Variants in SUPT3H observed in about 807,000 individuals in gnomAD.
SUPT3H encodes the protein transcription initiation protein SPT3 homolog.
In SUPT3H, 44 loss-of-function variants were observed where a neutral mutation model predicts 44.3. The observed-to-expected ratio is 0.99, with a 90% CI of 0.78 to 1.28. The LOEUF (loss-of-function observed/expected upper bound fraction) is 1.28, where lower values mean the gene tolerates loss of function less well. SUPT3H is among the 50% of genes most tolerant of loss of function. The probability of loss-of-function intolerance (pLI) is 0.00; values close to 1 mark genes in which losing one functional copy is unlikely to be tolerated. For missense variants in SUPT3H, 380 were observed against 387.1 expected (o/e 0.98, Z 0.15); for synonymous variants, 124 against 125.6 (o/e 0.99, Z 0.09).
chr6:45,339,761 A>T (rs936179148), intron 2 of SUPT3H, among the ~76,000 whole-genome samples: 1 of 152,184 alleles, frequency 6.6e-6, no homozygotes, highest in African/African-American at 2.4e-5. Flanking sequence ...AAAATTTATT[A>T]AAGTTTTAAT....
chr6:44,975,153 A>G (rs1217828484), intron 6 of SUPT3H, among the ~76,000 whole-genome samples: 1 of 137,314 alleles, frequency 7.3e-6, no homozygotes, highest in African/African-American at 2.8e-5. Flanking sequence ...CCTGGGTGAC[A>G]CAGCAAGACT....
At chr6:45,145,247 A>T (rs921810864) in intron 2 of SUPT3H, among the ~76,000 whole-genome samples, 1 of 152,172 alleles carries the variant, frequency 6.6e-6, no homozygotes, top group Non-Finnish European at 1.5e-5. Flanking sequence ...TAGAGGCATC[A>T]TATTACCTGA....
chr6:44,833,740 ATAC>A (rs1769294938), intron 10 of SUPT3H, among the ~76,000 whole-genome samples: 1 of 152,192 alleles, frequency 6.6e-6, no homozygotes, highest in African/African-American at 2.4e-5. Flanking sequence ...TCTTTTCATT[ATAC>A]TACATTGTCT....
Position 44,839,813 on chromosome 6 carries a change from T to C in SUPT3H, c.913-9956A>G, listed in dbSNP as rs1000608537. On this transcript the variant is annotated intron_variant, in intron 10 of 10. Transcript: ENST00000371459. ...ACCTCCCGGGTTCATGCCATTCTCC[T>C]GCCTCAGCCTCCCGAGTAGCTGGGA... Among the ~76,000 whole-genome samples, 7 of 151,170 alleles carry C rather than the reference T, an allele frequency of 4.6e-5. No individual in the cohort carries two copies. The East Asian group carries it at 1.4e-3, about 30-fold the overall frequency.
intron 9 of SUPT3H, among the ~76,000 whole-genome samples, chr6:44,944,501 C>T (rs960605929): frequency 6.6e-6 from 1 of 151,592 alleles, no homozygotes; most frequent in African/African-American, 2.4e-5. Flanking sequence ...GCAGCTCATG[C>T]CTATAAAAGC....
At chr6:45,017,816 C>T (rs1784524606) in intron 4 of SUPT3H, among the ~76,000 whole-genome samples, 1 of 141,916 alleles carries the variant, frequency 7.0e-6, no homozygotes, top group Non-Finnish European at 1.5e-5. Flanking sequence ...TTAGGATTGA[C>T]TTGGCGATGT....
chr6:45,112,538 G>C (rs1294416119), intron 2 of SUPT3H, among the ~76,000 whole-genome samples: 1 of 152,100 alleles, frequency 6.6e-6, no homozygotes, highest in East Asian at 1.9e-4. Context: ...CCCTGATTAA[G>C]AATAGAGGGG....
At chr6:45,051,488 A>T (rs1790292676) in intron 3 of SUPT3H, among the ~76,000 whole-genome samples, 1 of 151,306 alleles carries the variant, frequency 6.6e-6, no homozygotes, top group Non-Finnish European at 1.5e-5. Context: ...TATGTATAAT[A>T]CATATTTATT....
intron 6 of SUPT3H, among the ~76,000 whole-genome samples, chr6:44,986,808 C>T (rs1779856048): frequency 6.6e-6 from 1 of 151,920 alleles, no homozygotes; most frequent in African/African-American, 2.4e-5. Context: ...GCTCTTGTCT[C>T]CTGGAGCTTT....
At chr6:45,035,205 A>C (rs1027349077) in intron 3 of SUPT3H, among the ~76,000 whole-genome samples, 2 of 152,144 alleles carry the variant, frequency 1.3e-5, no homozygotes, top group Admixed American at 1.3e-4. Flanking sequence ...GACTTTCATT[A>C]AATTCAAAGT....
chr6:44,930,614 C>T lies in SUPT3H; in HGVS notation c.912+2039G>A, dbSNP rs189135184. The stretch of plus-strand genomic sequence containing the variant: ...TGCAGGCATATTCACTCTTGTAGTG[C>T]GCAAATTCTCATAGCTGAAGAAAAT... On this transcript the variant is annotated intron_variant, in intron 10 of 10. Transcript: ENST00000371459. 1.9e-4 allele frequency among the ~76,000 whole-genome samples: 28 copies of T among 149,530 alleles called. No homozygotes were observed. The East Asian group carries it at 2.4e-3, about 13-fold the overall frequency.
At chr6:45,152,297 T>C (rs1205335773) in intron 2 of SUPT3H, among the ~76,000 whole-genome samples, 1 of 152,198 alleles carries the variant, frequency 6.6e-6, no homozygotes, top group Non-Finnish European at 1.5e-5. Context: ...ATCAGATCTA[T>C]TAGCAAATCT....
At chr6:45,059,035 G>A (rs1445013857) in intron 3 of SUPT3H, among the ~76,000 whole-genome samples, 1 of 152,014 alleles carries the variant, frequency 6.6e-6, no homozygotes, top group East Asian at 1.9e-4. Context: ...AGCATCAGGA[G>A]GATAAGATCT....
At chr6:44,892,339 C>T (rs773986362) in intron 10 of SUPT3H, among the ~76,000 whole-genome samples, 3 of 151,976 alleles carry the variant, frequency 2.0e-5, no homozygotes, top group Non-Finnish European at 4.4e-5. Context: ...AGACAAGTAC[C>T]AAGGAAAGGC....
intron 2 of SUPT3H, among the ~76,000 whole-genome samples, chr6:45,199,188 T>C (rs879297079): frequency 1.3e-5 from 2 of 151,300 alleles, no homozygotes; most frequent in Non-Finnish European, 3.0e-5. Flanking sequence ...ATACTGTTGT[T>C]GCATTGGATT....
chr6:45,298,247 G>C (rs2149906918), intron 2 of SUPT3H, among the ~76,000 whole-genome samples: 1 of 152,302 alleles, frequency 6.6e-6, no homozygotes, highest in South Asian at 2.1e-4. Context: ...AGACTGGAAG[G>C]ATGACAGTGC....
intron 6 of SUPT3H, among the ~76,000 whole-genome samples, chr6:44,968,743 CT>C (rs1038595588): frequency 1.3e-5 from 2 of 152,090 alleles, no homozygotes; most frequent in African/African-American, 4.8e-5. Flanking sequence ...GTAAGATTCA[CT>C]GTAGTAGGCT....
rs71687494 is a variant in SUPT3H at position 45,120,417 on chromosome 6, TAAAAA to T, written c.102-14416_102-14412del. 6.6e-3 allele frequency among the ~76,000 whole-genome samples: 333 copies of T among 50,510 alleles called. 6 individuals carry two copies. Among genetic ancestry groups the T allele is most frequent in the Middle Eastern group, 0.022 (1 of 46 alleles). The allele number at this position is 50,510 out of a possible 152,430, so 33.1% of individuals were successfully genotyped here. Reference sequence around the variant, plus strand: ...CTGGGTAACAGTGTGAGACCTTGTCTAAAAAAAAAAAAAAAAAAAAAAAAGACTAT... The same window carrying T: ...CTGGGTAACAGTGTGAGACCTTGTCTAAAAAAAAAAAAAAAAAAAGACTAT... On this transcript the variant is annotated intron_variant, in intron 2 of 10. Coordinates refer to ENST00000371459, the MANE Select transcript of SUPT3H (RefSeq NM_003599.4).
At chr6:45,043,722 T>C (rs2153531567) in intron 3 of SUPT3H, among the ~76,000 whole-genome samples, 1 of 152,246 alleles carries the variant, frequency 6.6e-6, no homozygotes, top group Admixed American at 6.5e-5. Context: ...AGGAAAGAAA[T>C]TCACAAATAA....
Sources: allele counts gnomAD v4.1 joint callset (sites outside exome capture counted in the v4.1 genomes callset), GRCh38; gene constraint gnomAD v4.1.1; transcripts MANE v1.5; gene names NCBI Gene and HGNC (gene_info 2026-07-23, HGNC 2026-07-21).